The following SRPK1 variants were observed in gnomAD, a reference collection of about 807,000 sequenced individuals.
SRPK1 encodes SRSF protein kinase 1, also known as SFRS protein kinase 1.
SRPK1 carries 52 observed loss-of-function variants against 89.5 expected under a neutral mutation model. The ratio of observed to expected loss-of-function variants is 0.58; its 90% CI spans 0.46 to 0.73. The LOEUF is 0.73. Among genes scored for constraint, SRPK1 ranks in the 30% least tolerant of loss-of-function variants. The pLI is 0.00. For synonymous variants in SRPK1, 255 were observed against 270.2 expected, an observed-to-expected ratio of 0.94 and a Z score of 0.55; for missense variants, 603 against 780.6, an observed-to-expected ratio of 0.77 and a Z score of 2.71.
chr6:35,919,785 T>C (rs192455823), intron 2 of SRPK1, among the ~76,000 whole-genome samples: 2 of 152,332 alleles, frequency 1.3e-5, no homozygotes, highest in East Asian at 3.9e-4. Flanking sequence ...GAATCATCAA[T>C]GTTTGTTAAA....
In SRPK1 at chr6:35,869,905, A is replaced by T; in HGVS notation, c.992-4T>A. On this transcript the variant is annotated splice_region_variant and splice_polypyrimidine_tract_variant and intron_variant, in intron 10 of 15. Coordinates refer to ENST00000373825, the MANE Select transcript of SRPK1 (RefSeq NM_003137.5). ...TGGCCAATGGTACTTGACTCTTCTA[A>T]GGAACAAACGAACAAAAAAAGATAT... is the stretch of plus-strand genomic sequence containing the variant. 1 of 1,541,552 alleles carries T rather than the reference A, an allele frequency of 6.5e-7. No individual in the cohort carries two copies. Among genetic ancestry groups the T allele is most frequent in the South Asian group, 1.3e-5 (1 of 78,872 alleles).
At chr6:35,896,570 C>T (rs977329915) in intron 2 of SRPK1, among the ~76,000 whole-genome samples, 1 of 152,318 alleles carries the variant, frequency 6.6e-6, no homozygotes, top group African/African-American at 2.4e-5. Context: ...ACCATATGAC[C>T]TAGCAATTCC....
At chr6:35,876,084 T>TAAAA (rs1491175245) in intron 6 of SRPK1, among the ~76,000 whole-genome samples, 1 of 40,030 alleles carries the variant, frequency 2.5e-5, no homozygotes, top group African/African-American at 9.1e-5. Context: ...GATTCTTAAA[T>TAAAA]TAAAAAAAAA....
intron 2 of SRPK1, among the ~76,000 whole-genome samples, chr6:35,899,524 C>T (rs80227705): frequency 0.012 from 1,857 of 152,236 alleles, 36 homozygotes; most frequent in African/African-American, 0.043. Context: ...TGCCTAGAAC[C>T]GGGATGTGTA....
intron 13 of SRPK1, among the ~76,000 whole-genome samples, chr6:35,844,711 A>G (rs534240938): frequency 6.6e-6 from 1 of 152,274 alleles, no homozygotes; most frequent in East Asian, 1.9e-4. Context: ...TACTTGTTCT[A>G]CCCTGAGTTG....
chr6:35,838,336 C>A lies in SRPK1; in HGVS notation c.1783+1G>T. The stretch of plus-strand genomic sequence containing the variant: ...AATGTCTGGGAACACATTTACTTTA[C>A]CTTTTTTGGTGAAAAATTCCTTGGA... On this transcript the variant is annotated splice_donor_variant, in intron 15 of 15. Coordinates refer to ENST00000373825, the MANE Select transcript of SRPK1 (RefSeq NM_003137.5). LOFTEE classifies it high-confidence loss of function. The A allele has an allele frequency of 4.5e-6, 7 of 1,562,802 alleles. No individual in the cohort carries two copies. Among genetic ancestry groups the A allele is most frequent in the Non-Finnish European group, 6.0e-6 (7 of 1,163,002 alleles).
intron 6 of SRPK1, among the ~76,000 whole-genome samples, chr6:35,881,471 A>ATAGAT (rs957362863): frequency 2.5e-5 from 3 of 119,708 alleles, no homozygotes; most frequent in Non-Finnish European, 5.4e-5. Context: ...AGATATAGAT[A>ATAGAT]TAGATATAGA....
intron 8 of SRPK1, among the ~76,000 whole-genome samples, chr6:35,871,327 G>A (rs142508227): frequency 3.9e-4 from 60 of 152,310 alleles, no homozygotes; most frequent in African/African-American, 1.3e-3. Flanking sequence ...GGGAGTCTAG[G>A]TGACATCAAG....
chr6:35,844,005 GT>G (rs35051574), intron 13 of SRPK1, among the ~76,000 whole-genome samples: 191 of 125,662 alleles, frequency 1.5e-3, no homozygotes, highest in East Asian at 5.0e-3. Flanking sequence ...CACAACAGCA[GT>G]TTTTTTTTTT....
At chr6:35,920,332 C>A in intron 2 of SRPK1, 136 bp downstream of exon 2, 2 of 903,742 alleles carry the variant, frequency 2.2e-6, no homozygotes, top group Non-Finnish European at 3.6e-6. Context: ...GGAGAGCGAC[C>A]CTCCGAGCTG....
chr6:35,919,976 C>T, intron 2 of SRPK1: 1 of 423,854 alleles, frequency 2.4e-6, no homozygotes, highest in South Asian at 1.7e-5. Context: ...GGAAAAGCCC[C>T]ATGCCCTCCT....
At chr6:35,900,154 G>A (rs1770711615) in intron 2 of SRPK1, among the ~76,000 whole-genome samples, 1 of 152,178 alleles carries the variant, frequency 6.6e-6, no homozygotes, top group Non-Finnish European at 1.5e-5. Flanking sequence ...GGAGACTTGA[G>A]TTTGATCCTG....
chr6:35,902,609 T>C (rs1581596010), intron 2 of SRPK1, among the ~76,000 whole-genome samples: 1 of 152,274 alleles, frequency 6.6e-6, no homozygotes, highest in African/African-American at 2.4e-5. Flanking sequence ...ATAAGGCAAC[T>C]TGAACTGAAA....
rs1211185231 is a variant in SRPK1, at chr6:35,834,424, G to A, written c.*880C>T. The stretch of plus-strand genomic sequence containing the variant: ...GGAAAGCTCTGAAACCCAGATCTCC[G>A]TTCTACCATCATCCTGATCCTTTAG... On this transcript the variant is annotated 3_prime_UTR_variant, in exon 16 of 16. Transcript: ENST00000373825. 2 of 152,108 alleles carry A rather than the reference G, an allele frequency of 1.3e-5. No individual in the cohort carries two copies. The highest frequency in any genetic ancestry group is 4.8e-5 in the African/African-American group (2 of 41,426). The allele number at this position is 152,108 out of a possible 1,614,324, so 9.4% of individuals were successfully genotyped here.
At chr6:35,915,016 G>C (rs1339089249) in intron 2 of SRPK1, among the ~76,000 whole-genome samples, 2 of 152,060 alleles carry the variant, frequency 1.3e-5, no homozygotes, top group African/African-American at 4.8e-5. Flanking sequence ...GGCTGGTCTT[G>C]AACTCCTGAC....
intron 2 of SRPK1, 96 bp downstream of exon 2, chr6:35,920,372 G>A (rs1022086763): frequency 1.4e-6 from 2 of 1,404,350 alleles, no homozygotes; most frequent in Admixed American, 3.4e-5. Flanking sequence ...CAGCCACAGG[G>A]TGCCCAAACC....
rs147683708 is a variant in SRPK1, at chr6:35,891,600, C to T, written c.75-587G>A. Among the ~76,000 whole-genome samples, 527 of 151,968 alleles carry T rather than the reference C, an allele frequency of 3.5e-3. 3 individuals carry two copies. The highest frequency in any genetic ancestry group is 0.011 in the African/African-American group (461 of 41,442). Reference sequence around the variant, plus strand: ...GCCCAGCGTGGTGGTGGGCACCCCACGCTGTAATCCCAGCTACTTGAGAGG... The same window carrying T: ...GCCCAGCGTGGTGGTGGGCACCCCATGCTGTAATCCCAGCTACTTGAGAGG... On this transcript the variant is annotated intron_variant, in intron 2 of 15. Transcript: ENST00000373825.
At chr6:35,920,007 T>C (rs1230556653) in intron 2 of SRPK1, 5 of 451,420 alleles carry the variant, frequency 1.1e-5, no homozygotes, top group Non-Finnish European at 2.2e-5. Context: ...GAGTGTGTGG[T>C]TGGTAGAACC....
intron 2 of SRPK1, among the ~76,000 whole-genome samples, chr6:35,919,254 A>G (rs1771175456): frequency 6.6e-6 from 1 of 152,250 alleles, no homozygotes; most frequent in African/African-American, 2.4e-5. Flanking sequence ...TTCATAAGAC[A>G]GAAGAGAAAA....
Sources: gnomAD v4.1 joint callset for allele counts (sites outside exome capture counted in the v4.1 genomes callset) on GRCh38, gnomAD v4.1.1 for gene constraint, MANE v1.5 for transcripts, NCBI Gene and HGNC (gene_info 2026-07-23, HGNC 2026-07-21) for gene names.